Variants in SNAPC3 observed in about 807,000 individuals in gnomAD.
SNAPC3 encodes small nuclear RNA activating complex polypeptide 3.
SNAPC3 carries 56 observed loss-of-function variants against 47.7 expected under a neutral mutation model. The observed-to-expected ratio is 1.18, with a 90% CI of 0.95 to 1.47. The LOEUF (loss-of-function observed/expected upper bound fraction) is 1.47. SNAPC3 is among the 40% of genes most tolerant of loss of function. The pLI is 0.00. For synonymous variants in SNAPC3, 235 were observed against 189.9 expected (o/e 1.24, Z -1.95); for missense variants, 665 against 511.3 (o/e 1.30, Z -2.90).
intron 7 of SNAPC3, among the ~76,000 whole-genome samples, chr9:15,455,722 G>A (rs558228526): frequency 6.7e-6 from 1 of 149,180 alleles, no homozygotes. Flanking sequence ...TTTTTGAGAC[G>A]GAGTTTCGCT....
intron 2 of SNAPC3, among the ~76,000 whole-genome samples, chr9:15,431,055 GT>G (rs2032080901): frequency 6.6e-6 from 1 of 152,192 alleles, no homozygotes; most frequent in African/African-American, 2.4e-5. Context: ...AGTCTCAAAG[GT>G]TTTGCTTCCT....
chr9:15,462,821 TG>T (rs2035319846), downstream of SNAPC3: 1 of 152,208 alleles, frequency 6.6e-6, no homozygotes, highest in South Asian at 2.1e-4. Context: ...CCAGTTTCTT[TG>T]TTTCTAAAGA....
chr9:15,432,482 G>A (rs2032289616), intron 2 of SNAPC3, among the ~76,000 whole-genome samples: 1 of 151,988 alleles, frequency 6.6e-6, no homozygotes, highest in Admixed American at 6.6e-5. Context: ...AAAAATATAG[G>A]ATGGGCCTTG....
chr9:15,437,239 T>A (rs959780076), intron 3 of SNAPC3, among the ~76,000 whole-genome samples: 1 of 152,012 alleles, frequency 6.6e-6, no homozygotes, highest in African/African-American at 2.4e-5. Context: ...GTTTTCTTAA[T>A]TCCTTTTTTT....
chr9:15,459,558 G>A (rs2035043537), intron 8 of SNAPC3, among the ~76,000 whole-genome samples, 161 bp from the exon 9 acceptor site: 1 of 152,112 alleles, frequency 6.6e-6, no homozygotes, highest in African/African-American at 2.4e-5. Context: ...TGGTGGTGAT[G>A]TATTTGTATC....
intron 3 of SNAPC3, among the ~76,000 whole-genome samples, chr9:15,442,872 C>G (rs1453756985): frequency 2.0e-5 from 3 of 152,218 alleles, no homozygotes; most frequent in African/African-American, 7.2e-5. Context: ...GCACTCCAGC[C>G]TGGGCAACAT....
Position 15,459,831 on chromosome 9 carries a change from G to C in SNAPC3, c.1201G>C (p.Ala401Pro). Residue 401 changes from alanine (A) to proline (P), a missense_variant, in exon 9 of 9, where the codon GCT becomes CCT. Physicochemically the swap from Ala to Pro is conservative, Grantham distance 27 (BLOSUM62 -1). Coordinates refer to ENST00000380821, the MANE Select transcript of SNAPC3 (RefSeq NM_001039697.2). ...SEGNKLGEFL[A>P]YPYVDPGTFN Reference sequence around the variant, plus strand: ...AGGCAACAAACTGGGGGAATTCCTTGCTTATCCTTATGTTGATCCTGGAAC... The same window carrying C: ...AGGCAACAAACTGGGGGAATTCCTTCCTTATCCTTATGTTGATCCTGGAAC... 6.2e-7 allele frequency: 1 copy of C among 1,613,630 alleles called. No homozygotes were observed. The highest frequency in any genetic ancestry group is 8.5e-7 in the Non-Finnish European group (1 of 1,179,800).
intron 1 of SNAPC3, among the ~76,000 whole-genome samples, chr9:15,423,552 G>C (rs2030889453): frequency 6.6e-6 from 1 of 152,198 alleles, no homozygotes; most frequent in Non-Finnish European, 1.5e-5. Context: ...GAGTAATGGT[G>C]AAGCTGCGGG....
Position 15,422,876 on chromosome 9 carries a change from G to C in SNAPC3, c.-4G>C, listed in dbSNP as rs753970707. The C allele has an allele frequency of 6.5e-7, 1 of 1,534,396 alleles. No individual in the cohort carries two copies. The highest frequency in any genetic ancestry group is 1.2e-5 in the South Asian group (1 of 82,784). On this transcript the variant is annotated 5_prime_UTR_variant, in exon 1 of 9. Coordinates refer to ENST00000380821, the MANE Select transcript of SNAPC3 (RefSeq NM_001039697.2). ...GCTTTTGCAGGGGAAGGAGTGGGGC[G>C]AACATGGCTGAAGGAAGCCGAGGTG...
downstream of SNAPC3, chr9:15,465,512 ATGTC>A: frequency 6.5e-7 from 1 of 1,537,718 alleles, no homozygotes; most frequent in Non-Finnish European, 8.9e-7. Context: ...TATTCCAGGT[ATGTC>A]AACCTAGTTA....
chr9:15,457,989 G>C lies in SNAPC3; in HGVS notation c.1010G>C (p.Arg337Thr), dbSNP rs777467833. 2.5e-6 allele frequency: 4 copies of C among 1,593,794 alleles called. No individual in the cohort carries two copies. In the African/African-American group the frequency reaches 5.4e-5, roughly 22 times the overall value. Residue 337 changes from arginine (R) to threonine (T), a missense_variant, in exon 8 of 9, where the codon AGG (arginine) becomes ACG (threonine). Physicochemically the swap from Arg to Thr is moderately conservative, Grantham distance 71. Coordinates refer to ENST00000380821, the MANE Select transcript of SNAPC3 (RefSeq NM_001039697.2). The part of the protein sequence containing the change: ...RLVHHDDCLD[R>T]TLYPLLIKKH... ...GTGCATCATGATGACTGCTTGGATA[G>C]GACATTGTATCCCCTCCTTATCAAG...
downstream of SNAPC3, chr9:15,465,663 T>G: frequency 8.4e-7 from 1 of 1,186,570 alleles, no homozygotes; most frequent in Non-Finnish European, 1.2e-6. Flanking sequence ...TGCATTATAT[T>G]TTTAAACCCA....
Position 15,453,192 on chromosome 9 carries a change from A to T in SNAPC3, c.967A>T (p.Ile323Phe), listed in dbSNP as rs371241908. Reference sequence around the variant, plus strand: ...GGGAGACTGTGAACATGTCATTGTCATTACTGACATAAGGTAGGTGACAGC... The same window carrying T: ...GGGAGACTGTGAACATGTCATTGTCTTTACTGACATAAGGTAGGTGACAGC... ...HQGDCEHVIV[I>F]TDIRLVHHDD... Residue 323 changes from isoleucine to phenylalanine, a missense_variant, in exon 7 of 9, where the codon ATT becomes TTT. By Grantham distance (21) the Ile-to-Phe change is conservative (BLOSUM62 0). Coordinates refer to ENST00000380821, the MANE Select transcript of SNAPC3 (RefSeq NM_001039697.2). 2.7e-5 allele frequency: 43 copies of T among 1,611,338 alleles called. No individual in the cohort carries two copies. The African/African-American group carries it at 5.7e-4, about 22-fold the overall frequency.
At chr9:15,423,789 C>A in intron 1 of SNAPC3, 120 bp from the exon 2 acceptor site, 1 of 509,648 alleles carries the variant, frequency 2.0e-6, no homozygotes. Flanking sequence ...CCTCTCTGAG[C>A]CGCCTGCTGG....
chr9:15,463,199 T>A (rs1298717813), downstream of SNAPC3: 1 of 150,028 alleles, frequency 6.7e-6, no homozygotes, highest in Non-Finnish European at 1.5e-5. Flanking sequence ...CAGTTCTGCT[T>A]GGTCATGGTA....
In SNAPC3 at chr9:15,453,182, T is replaced by A. The variant is rs1226227278; in HGVS notation, c.957T>A (p.His319Gln). 1 of 1,612,832 alleles carries A rather than the reference T, an allele frequency of 6.2e-7. No individual in the cohort carries two copies. Among genetic ancestry groups the A allele is most frequent in the South Asian group, 1.1e-5 (1 of 90,852 alleles). ...ACTGTCATCAGGGAGACTGTGAACA[T>A]GTCATTGTCATTACTGACATAAGGT... The part of the protein sequence containing the change: ...YLYCHQGDCE[H>Q]VIVITDIRLV... The change falls in exon 7 of 9, where the codon CAT becomes CAA. Residue 319 changes from histidine (H) to glutamine (Q), a missense_variant. His to Gln is a conservative substitution (Grantham distance 24). Coordinates refer to ENST00000380821, the MANE Select transcript of SNAPC3 (RefSeq NM_001039697.2).
chr9:15,441,067 A>G (rs765454280), intron 3 of SNAPC3, among the ~76,000 whole-genome samples: 12 of 151,376 alleles, frequency 7.9e-5, no homozygotes, highest in Non-Finnish European at 1.6e-4. Flanking sequence ...GAGGAATCTG[A>G]TTTTCTTTAA....
At chr9:15,441,362 A>G (rs1176287200) in intron 3 of SNAPC3, among the ~76,000 whole-genome samples, 1 of 138,682 alleles carries the variant, frequency 7.2e-6, no homozygotes, top group Admixed American at 7.3e-5. Context: ...CCTTGCCAAC[A>G]GTGTGCAAGA....
downstream of SNAPC3, chr9:15,462,722 C>G (rs1171242055): frequency 6.6e-6 from 1 of 152,212 alleles, no homozygotes; most frequent in African/African-American, 2.4e-5. Context: ...ATTAGACATT[C>G]TAGTTTTACT....
Sources: gnomAD v4.1 joint callset for allele counts (sites outside exome capture counted in the v4.1 genomes callset) on GRCh38, gnomAD v4.1.1 for gene constraint, MANE v1.5 for transcripts, NCBI Gene and HGNC (gene_info 2026-07-23, HGNC 2026-07-21) for gene names.